Variants in PDGFRL observed in about 807,000 individuals in gnomAD.
PDGFRL encodes platelet-derived growth factor receptor-like protein.
PDGFRL carries 46 observed loss-of-function variants against 37.2 expected under a neutral mutation model. The ratio of observed to expected loss-of-function variants is 1.24; its 90% CI spans 0.98 to 1.58. The LOEUF is 1.58. Among genes scored for constraint, PDGFRL ranks in the 40% most tolerant of loss-of-function variants. The probability of loss-of-function intolerance (pLI) is 0.00; values close to 1 mark genes in which losing one functional copy is unlikely to be tolerated. For missense variants in PDGFRL, 692 were observed against 467.6 expected (o/e 1.48, Z -4.43); for synonymous variants, 251 against 184.3 (o/e 1.36, Z -2.93).
chr8:17,594,028 C>T (rs1803999118), intron 2 of PDGFRL, among the ~76,000 whole-genome samples: 1 of 152,158 alleles, frequency 6.6e-6, no homozygotes, highest in Non-Finnish European at 1.5e-5. Flanking sequence ...AACCCCTCTC[C>T]TAGCATTCTT....
intron 1 of PDGFRL, among the ~76,000 whole-genome samples, chr8:17,579,340 T>C (rs1360964184): frequency 1.3e-5 from 2 of 152,038 alleles, no homozygotes; most frequent in Non-Finnish European, 2.9e-5. Flanking sequence ...TTGAGTTGTG[T>C]TGTGAGTTGT....
chr8:17,614,661 C>T (rs1028483238), intron 2 of PDGFRL, among the ~76,000 whole-genome samples: 11 of 152,246 alleles, frequency 7.2e-5, no homozygotes, highest in African/African-American at 2.4e-4. Context: ...TCACTGCAGC[C>T]TCCAGCTCCC....
intron 1 of PDGFRL, among the ~76,000 whole-genome samples, chr8:17,589,108 T>G (rs971093931): frequency 1.3e-4 from 20 of 152,190 alleles, no homozygotes; most frequent in African/African-American, 4.8e-4. Flanking sequence ...CTGGGCATGG[T>G]GGCTCACTCC....
intron 2 of PDGFRL, among the ~76,000 whole-genome samples, chr8:17,594,015 C>A (rs570461613): frequency 6.6e-6 from 1 of 152,296 alleles, no homozygotes; most frequent in African/African-American, 2.4e-5. Context: ...TATGTGCCCA[C>A]TGAACCCCTC....
chr8:17,592,247 A>C (rs1221300484), intron 2 of PDGFRL, among the ~76,000 whole-genome samples: 1 of 152,228 alleles, frequency 6.6e-6, no homozygotes, highest in African/African-American at 2.4e-5. Context: ...CGCCAACCTA[A>C]TACATGACTC....
Position 17,642,851 on chromosome 8 carries a change from A to C in PDGFRL, c.*50A>C, listed in dbSNP as rs187013743. 2 of 1,245,184 alleles carry C rather than the reference A, an allele frequency of 1.6e-6. No homozygotes were observed. Among genetic ancestry groups the C allele is most frequent in the African/African-American group, 3.0e-5 (2 of 67,562 alleles). 77.1% of individuals were successfully genotyped at this position (1,245,184 alleles called of 1,614,324 possible). Reference sequence around the variant, plus strand: ...TTATGGAAAGCCCATTTGTGTACACAGTCAGCTTTGGGGTTCCTTTTATTA... The same window carrying C: ...TTATGGAAAGCCCATTTGTGTACACCGTCAGCTTTGGGGTTCCTTTTATTA... On this transcript the variant is annotated 3_prime_UTR_variant, in exon 6 of 6. Transcript: ENST00000251630.
chr8:17,585,615 T>C (rs1044278336), intron 1 of PDGFRL, among the ~76,000 whole-genome samples: 1 of 152,104 alleles, frequency 6.6e-6, no homozygotes, highest in African/African-American at 2.4e-5. Flanking sequence ...CTCAGAAGAA[T>C]GTATGGTGTG....
Position 17,593,880 on chromosome 8 carries a change from C to G in PDGFRL, c.353+4115C>G, listed in dbSNP as rs188105443. Among the ~76,000 whole-genome samples the G allele has an allele frequency of 8.2e-3, 1,060 of 129,258 alleles. 19 individuals are homozygous for G. Among genetic ancestry groups the G allele is most frequent in the African/African-American group, 0.026 (979 of 37,362 alleles). 84.8% of individuals were successfully genotyped at this position (129,258 alleles called of 152,430 possible). On this transcript the variant is annotated intron_variant, in intron 2 of 5. Coordinates refer to ENST00000251630, the MANE Select transcript of PDGFRL (RefSeq NM_001372073.1). ...TCCAGCCTGGGCAACAAGAGTGAAA[C>G]TCCATCTCAAAAAAAAAAAAGAAAA... is the stretch of plus-strand genomic sequence containing the variant.
chr8:17,589,913 C>T (rs916562722), intron 2 of PDGFRL, 148 bp downstream of exon 2: 1 of 608,350 alleles, frequency 1.6e-6, no homozygotes, highest in Non-Finnish European at 2.8e-6. Context: ...GCAAAAGTCA[C>T]AGATTTTATT....
chr8:17,640,322 T>A (rs182811008), intron 5 of PDGFRL, among the ~76,000 whole-genome samples: 2 of 152,328 alleles, frequency 1.3e-5, no homozygotes. Context: ...GCTGGTGAGC[T>A]AGTGTGATCT....
In PDGFRL at chr8:17,591,986, A is replaced by G. The variant is rs559014963; in HGVS notation, c.353+2221A>G. On this transcript the variant is annotated intron_variant, in intron 2 of 5. Transcript: ENST00000251630. ...ACTCTGCATGTTCACAACGATTTAT[A>G]TTTCCACACAAACTGTGTTTTTGCA... Among the ~76,000 whole-genome samples, 9 of 152,236 alleles carry G rather than the reference A, an allele frequency of 5.9e-5. No homozygotes were observed. The East Asian group carries it at 1.7e-3, about 30-fold the overall frequency.
intron 5 of PDGFRL, among the ~76,000 whole-genome samples, chr8:17,637,543 T>A (rs943104158): frequency 6.6e-6 from 1 of 152,188 alleles, no homozygotes; most frequent in Admixed American, 6.5e-5. Context: ...TTTTTTGTTA[T>A]GTCCTTTCCT....
chr8:17,639,801 T>G (rs911926106), intron 5 of PDGFRL, among the ~76,000 whole-genome samples: 2 of 152,220 alleles, frequency 1.3e-5, no homozygotes. Flanking sequence ...TCTTTGAGCT[T>G]CTTGTATTCA....
At chr8:17,622,754 C>G (rs928350817) in intron 3 of PDGFRL, among the ~76,000 whole-genome samples, 9 of 152,186 alleles carry the variant, frequency 5.9e-5, no homozygotes, top group African/African-American at 1.4e-4. Flanking sequence ...TTGCAGGTTG[C>G]TCTCCACACA....
chr8:17,632,324 A>G (rs1804879453), intron 4 of PDGFRL, among the ~76,000 whole-genome samples: 1 of 145,840 alleles, frequency 6.9e-6, no homozygotes, highest in African/African-American at 2.5e-5. Flanking sequence ...TCTCCACTCC[A>G]TTTTCCACAC....
chr8:17,641,896 T>TCCCCGCCCCGCCCCCC (rs67098871), intron 5 of PDGFRL, among the ~76,000 whole-genome samples: 2 of 103,888 alleles, frequency 1.9e-5, no homozygotes, highest in Non-Finnish European at 3.6e-5. Context: ...TCAATAGAGG[T>TCCCCGCCCCGCCCCCC]CCCCGCCACA....
intron 2 of PDGFRL, among the ~76,000 whole-genome samples, chr8:17,612,517 C>G (rs1033791740): frequency 3.9e-5 from 6 of 152,042 alleles, no homozygotes; most frequent in Admixed American, 3.3e-4. Context: ...ATTACAAGCA[C>G]CTGCCACCAT....
At chr8:17,613,606 A>C (rs2129730032) in intron 2 of PDGFRL, among the ~76,000 whole-genome samples, 1 of 152,276 alleles carries the variant, frequency 6.6e-6, no homozygotes, top group East Asian at 1.9e-4. Flanking sequence ...GCCCAGGCGC[A>C]GTGGCTCATG....
chr8:17,635,839 C>G (rs775905117), intron 5 of PDGFRL, among the ~76,000 whole-genome samples: 1 of 152,156 alleles, frequency 6.6e-6, no homozygotes, highest in Admixed American at 6.5e-5. Flanking sequence ...GGTGGTATCA[C>G]ATTGTGGTTT....
Sources: allele counts gnomAD v4.1 joint callset (sites outside exome capture counted in the v4.1 genomes callset), GRCh38; gene constraint gnomAD v4.1.1; transcripts MANE v1.5; gene names NCBI Gene and HGNC (gene_info 2026-07-23, HGNC 2026-07-21).